The following ANKS1A variants were observed in gnomAD, a reference collection of about 807,000 sequenced individuals.
ANKS1A encodes ankyrin repeat and sterile alpha motif domain containing 1A.
Under a neutral mutation model 120.3 loss-of-function variants are expected in ANKS1A, and 55 were observed. That is an observed-to-expected ratio of 0.46 (90% confidence interval 0.37 to 0.57). The LOEUF is 0.57. Ranked by LOEUF, ANKS1A falls within the 20% of genes least tolerant of loss-of-function variation. ANKS1A has a pLI of 0.00. For synonymous variants in ANKS1A, 590 were observed against 604.7 expected (o/e 0.98, Z 0.36); for missense variants, 1,123 against 1,480.3 (o/e 0.76, Z 3.96).
chr6:35,012,824 T>C (rs2177380), intron 10 of ANKS1A, among the ~76,000 whole-genome samples: 16,300 of 152,106 alleles, frequency 0.11, 1,240 homozygotes, highest in African/African-American at 0.2. Context: ...CCTCGATGTA[T>C]GGGTAGCATA....
At chr6:35,075,811 G>A (rs191836550) in intron 13 of ANKS1A, among the ~76,000 whole-genome samples, 9 of 152,192 alleles carry the variant, frequency 5.9e-5, no homozygotes, top group Admixed American at 2.0e-4. Context: ...AAACAGGCTG[G>A]ACTGCAGTGG....
At chr6:34,914,411 G>A (rs907836321) in intron 1 of ANKS1A, among the ~76,000 whole-genome samples, 82 of 152,154 alleles carry the variant, frequency 5.4e-4, no homozygotes, top group African/African-American at 1.8e-3. Context: ...AAAAATAATC[G>A]TCACTTCGTA....
intron 1 of ANKS1A, among the ~76,000 whole-genome samples, chr6:34,951,138 T>G (rs141504544): frequency 4.3e-4 from 66 of 152,306 alleles, no homozygotes; most frequent in African/African-American, 1.5e-3. Flanking sequence ...AGATCTTCAT[T>G]GTGTTTCATG....
At chr6:35,016,781 AAG>A (rs61705178) in intron 10 of ANKS1A, among the ~76,000 whole-genome samples, 2 of 134,544 alleles carry the variant, frequency 1.5e-5, no homozygotes, top group African/African-American at 5.3e-5. Flanking sequence ...AAAAAAAAAA[AAG>A]AGAGAGAGAA....
Position 35,086,953 on chromosome 6 carries a change from T to C in ANKS1A, c.3305T>C (p.Leu1102Pro). Residue 1102 changes from leucine (L) to proline (P), a missense_variant and splice_region_variant, in exon 23 of 24, where the codon CTG becomes CCG. Physicochemically the swap from Leu to Pro is moderately conservative, Grantham distance 98 (BLOSUM62 -3). Coordinates refer to ENST00000360359, the MANE Select transcript of ANKS1A (RefSeq NM_015245.3). This position sits in a 1 kb window ranked among gnomAD's most constrained non-coding sequence, Gnocchi z 5.1. ...KPRVGVRKSA[L>P]EPPDMDQDAQ... ...CTTGACTGCTTCCTTGTTTGGCAGCTGGAACCACCTGATATGGACCAAGAT... is the reference window on the plus strand; with the variant it reads ...CTTGACTGCTTCCTTGTTTGGCAGCCGGAACCACCTGATATGGACCAAGAT... The C allele has an allele frequency of 1.2e-6, 2 of 1,614,158 alleles. No homozygotes were observed. The highest frequency in any genetic ancestry group is 1.7e-6 in the Non-Finnish European group (2 of 1,179,994).
In ANKS1A at chr6:35,039,585, G is replaced by A. The variant is rs1374150205; in HGVS notation, c.2011-14514G>A. On this transcript the variant is annotated intron_variant, in intron 11 of 23. Coordinates refer to ENST00000360359, the MANE Select transcript of ANKS1A (RefSeq NM_015245.3). ...TTCCTCCCAGTTAGGAAGGAAAATG[G>A]CCCACACACTTACCAAATTAAGGGG... 18 of 456,668 alleles carry A rather than the reference G, an allele frequency of 3.9e-5. No individual in the cohort carries two copies. The East Asian group carries it at 1.3e-3, about 32-fold the overall frequency. The allele number at this position is 456,668 out of a possible 1,614,324, so 28.3% of individuals were successfully genotyped here.
At chr6:35,002,715 C>T (rs754502137) in intron 10 of ANKS1A, among the ~76,000 whole-genome samples, 2 of 151,826 alleles carry the variant, frequency 1.3e-5, no homozygotes, top group South Asian at 2.1e-4. Context: ...GATGAATTCC[C>T]GGCCCTAAAG....
Position 35,082,865 on chromosome 6 carries a change from C to A in ANKS1A, c.2835+49C>A. 1 of 1,581,262 alleles carries A rather than the reference C, an allele frequency of 6.3e-7. No homozygotes were observed. Among genetic ancestry groups the A allele is most frequent in the South Asian group, 1.2e-5 (1 of 84,472 alleles). ...CAGGGCCGGCCTCCCTGCTCCTTCT[C>A]GGCCAGGCACCTGCGGCCAAGTCCC... On this transcript the variant is annotated intron_variant, in intron 18 of 23. Transcript: ENST00000360359. The surrounding 1 kb of genome is among the most constrained non-coding windows in gnomAD (Gnocchi z 4.1).
At chr6:35,068,502 C>T (rs996902566) in intron 13 of ANKS1A, among the ~76,000 whole-genome samples, 1 of 152,182 alleles carries the variant, frequency 6.6e-6, no homozygotes, top group South Asian at 2.1e-4. Flanking sequence ...GGCTTTGTCC[C>T]CGCACTCAGC....
intron 11 of ANKS1A, among the ~76,000 whole-genome samples, chr6:35,032,641 C>T (rs1774965409): frequency 6.6e-6 from 1 of 152,178 alleles, no homozygotes; most frequent in African/African-American, 2.4e-5. Context: ...ACTTGCTGCG[C>T]TTGGGCATAG....
At chr6:34,934,009 C>A (rs1157986731) in intron 1 of ANKS1A, among the ~76,000 whole-genome samples, 1 of 152,086 alleles carries the variant, frequency 6.6e-6, no homozygotes, top group African/African-American at 2.4e-5. Flanking sequence ...GAAGAAACAG[C>A]CAGATAACTG....
At chr6:35,056,284 T>G (rs533993993) in intron 12 of ANKS1A, among the ~76,000 whole-genome samples, 65 of 152,320 alleles carry the variant, frequency 4.3e-4, no homozygotes, top group Admixed American at 1.0e-3. Context: ...TTGTTTGTTT[T>G]ATTTTTGTTG....
chr6:35,079,951 G>C, intron 16 of ANKS1A, 23 bp downstream of exon 16: 1 of 1,550,058 alleles, frequency 6.5e-7, no homozygotes, highest in Non-Finnish European at 8.7e-7. Context: ...GGGACAGAAA[G>C]GAATGTATGT....
chr6:35,004,918 G>A lies in ANKS1A; in HGVS notation c.1423+10496G>A, dbSNP rs774342147. 1.3e-5 allele frequency among the ~76,000 whole-genome samples: 2 copies of A among 152,148 alleles called. 1 individual carries two copies. The highest frequency in any genetic ancestry group is 2.9e-5 in the Non-Finnish European group (2 of 68,020). On this transcript the variant is annotated intron_variant, in intron 10 of 23. Coordinates refer to ENST00000360359, the MANE Select transcript of ANKS1A (RefSeq NM_015245.3). ...ATTCTTTGTTTGTATTTAAGCTAAC[G>A]TGGGATTATATTTTACAAAGTTTTT...
intron 1 of ANKS1A, among the ~76,000 whole-genome samples, chr6:34,942,990 C>A (rs1769609070): frequency 7.1e-6 from 1 of 141,152 alleles, no homozygotes; most frequent in Non-Finnish European, 1.5e-5. Context: ...CTTTCCTTTT[C>A]TTTCTCTCCC....
rs1554150015 is a variant in ANKS1A at position 35,039,091 on chromosome 6, T to TGTGG, written c.2011-15007_2011-15006insTGGG. On this transcript the variant is annotated intron_variant, in intron 11 of 23. Coordinates refer to ENST00000360359, the MANE Select transcript of ANKS1A (RefSeq NM_015245.3). ...TTTTGCATGTATGTGTGTGTGTGTG[T>TGTGG]GGGGGGGGGTTATATGCATTTTTAT... is the stretch of plus-strand genomic sequence containing the variant. Among the ~76,000 whole-genome samples the TGTGG allele has an allele frequency of 5.2e-3, 597 of 113,896 alleles. 6 individuals carry two copies. Among genetic ancestry groups the TGTGG allele is most frequent in the Middle Eastern group, 0.046 (8 of 174 alleles). 74.7% of individuals were successfully genotyped at this position (113,896 alleles called of 152,430 possible).
At chr6:35,074,417 T>C (rs1269656195) in intron 13 of ANKS1A, among the ~76,000 whole-genome samples, 2 of 150,482 alleles carry the variant, frequency 1.3e-5, no homozygotes, top group African/African-American at 4.9e-5. Flanking sequence ...TTGGGCAACA[T>C]AGTGAGACCC....
Position 34,994,431 on chromosome 6 carries a change from C to G in ANKS1A, c.1423+9C>G. ...GGATGGAAAAACAAAAGGTACGTTC[C>G]CCACAACTCCTGGCAGAACCAACTC... On this transcript the variant is annotated intron_variant, in intron 10 of 23. Coordinates refer to ENST00000360359, the MANE Select transcript of ANKS1A (RefSeq NM_015245.3). The G allele has an allele frequency of 6.2e-7, 1 of 1,609,752 alleles. No individual in the cohort carries two copies. Among genetic ancestry groups the G allele is most frequent in the Non-Finnish European group, 8.5e-7 (1 of 1,177,144 alleles).
At chr6:34,897,576 C>G (rs1199105623) in intron 1 of ANKS1A, among the ~76,000 whole-genome samples, 1 of 152,084 alleles carries the variant, frequency 6.6e-6, no homozygotes, top group Non-Finnish European at 1.5e-5. Flanking sequence ...GAAAATATTT[C>G]CCACACTGAT....
Sources: allele counts gnomAD v4.1 joint callset (sites outside exome capture counted in the v4.1 genomes callset), GRCh38; gene constraint gnomAD v4.1.1; non-coding constraint Gnocchi (gnomAD v3.1); transcripts MANE v1.5; gene names NCBI Gene and HGNC (gene_info 2026-07-23, HGNC 2026-07-21).